MED12L: variants seen among roughly 807,000 people sequenced by gnomAD.
MED12L encodes the protein mediator of RNA polymerase II transcription subunit 12-like protein.
In MED12L, 60 loss-of-function variants were observed where a neutral mutation model predicts 281.3. The observed-to-expected ratio is 0.21, with a 90% CI of 0.17 to 0.26. The LOEUF (loss-of-function observed/expected upper bound fraction) is 0.26, where lower values mean the gene tolerates loss of function less well. MED12L is among the 10% of genes least tolerant of loss of function. The probability of loss-of-function intolerance (pLI) is 1.00; values close to 1 mark genes in which losing one functional copy is unlikely to be tolerated. For synonymous variants in MED12L, 974 were observed against 987.2 expected (o/e 0.99, Z 0.25); for missense variants, 2,146 against 2,680.9 (o/e 0.80, Z 4.41).
intron 43 of MED12L, among the ~76,000 whole-genome samples, chr3:151,424,603 TG>T (rs1718647526): frequency 6.8e-6 from 1 of 147,824 alleles, no homozygotes; most frequent in Non-Finnish European, 1.5e-5. Flanking sequence ...CCTGGACGAC[TG>T]AGCAAAACTC....
chr3:151,182,491 G>A (rs1282026233), intron 11 of MED12L, among the ~76,000 whole-genome samples: 2 of 152,164 alleles, frequency 1.3e-5, no homozygotes, highest in African/African-American at 4.8e-5. Flanking sequence ...TGCAAGGGTG[G>A]CCAGGGAGCC....
intron 11 of MED12L, among the ~76,000 whole-genome samples, chr3:151,169,836 A>C (rs1373561128): frequency 1.3e-5 from 2 of 152,164 alleles, no homozygotes; most frequent in African/African-American, 4.8e-5. Context: ...AACATGATCA[A>C]CTTCTGTAGT....
chr3:151,305,822 T>A (rs1411686741), intron 16 of MED12L, among the ~76,000 whole-genome samples: 1 of 152,168 alleles, frequency 6.6e-6, no homozygotes, highest in Admixed American at 6.5e-5. Flanking sequence ...TCTTCCAAAC[T>A]AGAGGTCTAG....
At chr3:151,403,227 G>A (rs142932153) in intron 39 of MED12L, among the ~76,000 whole-genome samples, 220 of 152,032 alleles carry the variant, frequency 1.4e-3, no homozygotes, top group African/African-American at 4.8e-3. Flanking sequence ...CCCTTTGATC[G>A]CCTCATGATT....
Position 151,365,039 on chromosome 3 carries a change from C to T in MED12L, c.3018C>T (p.Asn1006=). The T allele has an allele frequency of 6.2e-7, 1 of 1,614,072 alleles. No individual in the cohort carries two copies. The highest frequency in any genetic ancestry group is 8.5e-7 in the Non-Finnish European group (1 of 1,179,946). ...ATAACGTGATGCCTGCAAATTCGAA[C>T]TTGCGATGGGATCCAGACTTCATGA... ...IYNNVMPANS[N]LRWDPDFMMD... Residue 1006 remains asparagine (N), a synonymous_variant, in exon 22 of 45, where the codon AAC becomes AAT. Coordinates refer to ENST00000687756, the MANE Select transcript of MED12L (RefSeq NM_001393769.1).
intron 16 of MED12L, among the ~76,000 whole-genome samples, chr3:151,250,564 A>G (rs1052398727): frequency 6.6e-6 from 1 of 152,174 alleles, no homozygotes; most frequent in African/African-American, 2.4e-5. Flanking sequence ...ACTTAGCATA[A>G]TGTCTTTAAG....
At chr3:151,101,217 A>G (rs1477604736) in intron 2 of MED12L, among the ~76,000 whole-genome samples, 1 of 152,192 alleles carries the variant, frequency 6.6e-6, no homozygotes, top group South Asian at 2.1e-4. Context: ...TTATTTATTT[A>G]TTTGAAAATT....
At chr3:151,328,609 C>T in intron 16 of MED12L, 3 of 1,613,678 alleles carry the variant, frequency 1.9e-6, no homozygotes, top group African/African-American at 1.3e-5. Flanking sequence ...AAATATTTCT[C>T]AAAGGTCTGA....
chr3:151,249,992 A>G (rs867439266), intron 16 of MED12L, among the ~76,000 whole-genome samples: 25 of 152,146 alleles, frequency 1.6e-4, no homozygotes, highest in African/African-American at 5.8e-4. Context: ...GCCTGTTATC[A>G]TTATCAAATA....
At chr3:151,311,674 C>T (rs1365124599) in intron 16 of MED12L, among the ~76,000 whole-genome samples, 1 of 152,106 alleles carries the variant, frequency 6.6e-6, no homozygotes, top group African/African-American at 2.4e-5. Flanking sequence ...TTACTTTGAG[C>T]CACATTCTAC....
chr3:151,202,510 A>C (rs1381264341), intron 16 of MED12L, among the ~76,000 whole-genome samples: 1 of 152,186 alleles, frequency 6.6e-6, no homozygotes, highest in Non-Finnish European at 1.5e-5. Context: ...GTCTCTACTA[A>C]AAATACAAAA....
In MED12L at chr3:151,174,832, G is replaced by A. The variant is rs141251575; in HGVS notation, c.1494+8850G>A. On this transcript the variant is annotated intron_variant, in intron 11 of 44. Transcript: ENST00000687756. ...TCCTGGGCTCATGTGATCCCCAGCCGAGTAGCTGGGACTGCAGGCACACGC... is the reference window on the plus strand; with the variant it reads ...TCCTGGGCTCATGTGATCCCCAGCCAAGTAGCTGGGACTGCAGGCACACGC... Among the ~76,000 whole-genome samples the A allele has an allele frequency of 8.5e-5, 13 of 152,126 alleles. No homozygotes were observed. In the East Asian group the frequency reaches 1.5e-3, roughly 18 times the overall value.
At chr3:151,336,399 A>G (rs1299453284) in intron 16 of MED12L, 1 of 404,832 alleles carries the variant, frequency 2.5e-6, no homozygotes, top group Non-Finnish European at 4.9e-6. Flanking sequence ...GTAATGAAAT[A>G]GAACTCAGCA....
chr3:151,135,944 T>C (rs1209255915), intron 5 of MED12L, among the ~76,000 whole-genome samples: 1 of 152,264 alleles, frequency 6.6e-6, no homozygotes, highest in East Asian at 1.9e-4. Context: ...ACAAGACATA[T>C]CATGCGCATG....
chr3:151,156,395 G>A (rs1309143006), intron 6 of MED12L, 65 bp downstream of exon 6: 5 of 1,461,862 alleles, frequency 3.4e-6, no homozygotes, highest in African/African-American at 1.4e-5. Context: ...ATTCCTTATA[G>A]TTTGGTGTTC....
At chr3:151,335,299 A>G (rs949546045) in intron 16 of MED12L, among the ~76,000 whole-genome samples, 7 of 152,188 alleles carry the variant, frequency 4.6e-5, no homozygotes, top group Non-Finnish European at 8.8e-5. Flanking sequence ...CTCTCTAGTA[A>G]CTGTCATTCT....
chr3:151,404,359 T>C (rs1294679272), intron 39 of MED12L, among the ~76,000 whole-genome samples: 8 of 152,222 alleles, frequency 5.3e-5, no homozygotes, highest in Admixed American at 3.3e-4. Flanking sequence ...CAGACTATTC[T>C]AGCAGTTAGT....
chr3:151,394,892 G>T lies in MED12L; in HGVS notation c.5820+25G>T, dbSNP rs200013883. On this transcript the variant is annotated intron_variant, in intron 39 of 44. Coordinates refer to ENST00000687756, the MANE Select transcript of MED12L (RefSeq NM_001393769.1). ...GGTTTGTCCAGACCCCAGCAATGGA[G>T]TCCTTTGCATTTTATTACCTCTGCT... is the stretch of plus-strand genomic sequence containing the variant. 64 of 1,612,662 alleles carry T rather than the reference G, an allele frequency of 4.0e-5. 2 individuals carry two copies. The highest frequency in any genetic ancestry group is 2.5e-4 in the Admixed American group (15 of 59,940).
chr3:151,310,353 C>T (rs7634747), intron 16 of MED12L, among the ~76,000 whole-genome samples: 10,118 of 152,210 alleles, frequency 0.066, 1,141 homozygotes, highest in African/African-American at 0.23. Flanking sequence ...GCCTGGACCC[C>T]ATTATGTTGT....
Sources: allele counts gnomAD v4.1 joint callset (sites outside exome capture counted in the v4.1 genomes callset), GRCh38; gene constraint gnomAD v4.1.1; transcripts MANE v1.5; gene names NCBI Gene and HGNC (gene_info 2026-07-23, HGNC 2026-07-21).